EPPK1: variants seen among roughly 807,000 people sequenced by gnomAD.
EPPK1 encodes epiplakin.
For synonymous variants in EPPK1, 1,862 were observed against 1,721.2 expected (o/e 1.08, Z -2.03); for missense variants, 3,823 against 3,673.3 (o/e 1.04, Z -1.05).
chr8:143,873,496 G>A (rs1213916295), intron 1 of EPPK1, among the ~76,000 whole-genome samples, 198 bp from the exon 2 acceptor site: 2 of 152,068 alleles, frequency 1.3e-5, no homozygotes. Flanking sequence ...AGCTCAGAGG[G>A]ACCATGTGGG....
At position 143,867,530 on chromosome 8, in the gene EPPK1, C is replaced by T; in HGVS notation, c.5724G>A (p.Arg1908=). ...TGGCCTCATGGAGGCTCATGACCTC[C>T]CTGGTGGAGGGCACCGTGACCCCCG... is the stretch of plus-strand genomic sequence containing the variant. The part of the protein sequence containing the change: ...CIAGVTVPST[R]EVMSLHEASR... Residue 1908 remains arginine (R), a synonymous_variant, in exon 2 of 2, where the codon AGG becomes AGA. Coordinates refer to ENST00000615648, the MANE Select transcript of EPPK1 (RefSeq NM_031308.4). The T allele has an allele frequency of 6.2e-7, 1 of 1,612,660 alleles. No individual in the cohort carries two copies. The highest frequency in any genetic ancestry group is 8.5e-7 in the Non-Finnish European group (1 of 1,179,814).
At position 143,867,001 on chromosome 8, in the gene EPPK1, C is replaced by G; in HGVS notation, c.6253G>C (p.Val2085Leu). 6.2e-7 allele frequency: 1 copy of G among 1,612,846 alleles called. No homozygotes were observed. The highest frequency in any genetic ancestry group is 1.1e-5 in the South Asian group (1 of 91,078). ...TCGGAGTCCCGTGCAGCCTTGTTCA[C>G]TGGGAACAGCAGCCAGCCCGTGTCC... ...QEDTGWLLFPVNKAARDSEHI... is the reference protein window; with the variant it reads ...QEDTGWLLFPLNKAARDSEHI... The change falls in exon 2 of 2, where the codon GTG (valine) becomes CTG (leucine). Residue 2085 changes from valine (V) to leucine (L), a missense_variant. Physicochemically the swap from Val to Leu is conservative, Grantham distance 32 (BLOSUM62 1). Transcript: ENST00000615648.
Position 143,870,980 on chromosome 8 carries a change from C to T in EPPK1, c.2274G>A (p.Leu758=). Residue 758 remains leucine (L), a synonymous_variant, in exon 2 of 2, where the codon TTG becomes TTA. Transcript: ENST00000615648. The surrounding 1 kb of genome is among the most constrained non-coding windows in gnomAD (Gnocchi z 5.2). ...AGCCCTTGGTGTCGTCAGAAGGGTC[C>T]AACAGGATCAAGTTCAGCATCTGAT... ...YFDQMLNLIL[L]DPSDDTKGFF... 2.5e-6 allele frequency: 4 copies of T among 1,613,436 alleles called. No individual in the cohort carries two copies. Among genetic ancestry groups the T allele is most frequent in the Non-Finnish European group, 3.4e-6 (4 of 1,180,010 alleles).
Position 143,870,105 on chromosome 8 carries a change from A to G in EPPK1, c.3149T>C (p.Ile1050Thr), listed in dbSNP as rs782363947. 28 of 1,610,682 alleles carry G rather than the reference A, an allele frequency of 1.7e-5. No individual in the cohort carries two copies. Among genetic ancestry groups the G allele is most frequent in the Admixed American group, 1.0e-4 (6 of 59,712 alleles). ...LEAQVATGGI[I>T]DPTSHHHLPM... ...GAGGTGGTGGTGGCTGGTGGGGTCAATGATCCCTCCTGTGGCCACTTGAGC... is the reference window on the plus strand; with the variant it reads ...GAGGTGGTGGTGGCTGGTGGGGTCAGTGATCCCTCCTGTGGCCACTTGAGC... Residue 1050 changes from isoleucine (I) to threonine (T), a missense_variant, in exon 2 of 2, where the codon ATT becomes ACT. Transcript: ENST00000615648. This position sits in a 1 kb window ranked among gnomAD's most constrained non-coding sequence, Gnocchi z 5.2.
chr8:143,877,143 C>A, intron 1 of EPPK1, among the ~76,000 whole-genome samples: 1 of 152,352 alleles, frequency 6.6e-6, no homozygotes, highest in East Asian at 1.9e-4. Flanking sequence ...GCGTGAGATG[C>A]GGCCTGTGGC....
In EPPK1 at chr8:143,868,945, C is replaced by G. The variant is rs1178575753; in HGVS notation, c.4309G>C (p.Asp1437His). 6.2e-7 allele frequency: 1 copy of G among 1,610,866 alleles called. No individual in the cohort carries two copies. Among genetic ancestry groups the G allele is most frequent in the African/African-American group, 1.3e-5 (1 of 74,932 alleles). ...TGGTCGTCCACCTCAAGCACTGTGT[C>G]TGAGGGCAGTGGCAACAGCAACAAT... Reference protein sequence around the residue: ...TGLLLLPLPSDTVLEVDDHTA... With the variant: ...TGLLLLPLPSHTVLEVDDHTA... Residue 1437 changes from aspartate (D) to histidine (H), a missense_variant, in exon 2 of 2, where the codon GAC (aspartate) becomes CAC (histidine). Asp to His is a moderately conservative substitution (Grantham distance 81). Transcript: ENST00000615648.
rs370414140 is a variant in EPPK1, at chr8:143,868,655, C to G, written c.4599G>C (p.Leu1533=). The change falls in exon 2 of 2, where the codon CTG becomes CTC. Residue 1533 remains leucine (L), a synonymous_variant. Transcript: ENST00000615648. ...TCCTGCTGATCAGCTGCGCCCTGAA[C>G]AGGTCCCTGGCTGACACCTGCTTCC... ...GLRKQVSARD[L]FRAQLISRKT... is the part of the protein sequence containing the mutation. The G allele has an allele frequency of 1.2e-4, 189 of 1,587,680 alleles. No homozygotes were observed. The highest frequency in any genetic ancestry group is 4.4e-4 in the Admixed American group (25 of 56,200).
chr8:143,873,289 C>T lies in EPPK1; in HGVS notation c.-36G>A. 2.7e-6 allele frequency: 4 copies of T among 1,489,416 alleles called. No individual in the cohort carries two copies. Among genetic ancestry groups the T allele is most frequent in the Non-Finnish European group, 3.6e-6 (4 of 1,126,308 alleles). 92.3% of individuals were successfully genotyped at this position (1,489,416 alleles called of 1,614,324 possible). On this transcript the variant is annotated 5_prime_UTR_variant, in exon 2 of 2. Transcript: ENST00000615648. ...TGGTTATGCAGAGCCTGCTGAGGTCCACCTCTGTCCTGCAGGGGACAGAAA... is the reference window on the plus strand; with the variant it reads ...TGGTTATGCAGAGCCTGCTGAGGTCTACCTCTGTCCTGCAGGGGACAGAAA...
Position 143,868,304 on chromosome 8 carries a change from G to C in EPPK1, c.4950C>G (p.Thr1650=), listed in dbSNP as rs550287920. Residue 1650 remains threonine, a synonymous_variant, in exon 2 of 2, where the codon ACC becomes ACG. Coordinates refer to ENST00000615648, the MANE Select transcript of EPPK1 (RefSeq NM_031308.4). The stretch of plus-strand genomic sequence containing the variant: ...GCCCGGTATAGGGGTCGGTGTAGCC[G>C]GTGACGGCGCGCTCGGCCGACAGCA... ...VKLLSAERAV[T]GYTDPYTGQQ... 1 of 1,613,176 alleles carries C rather than the reference G, an allele frequency of 6.2e-7. No homozygotes were observed. Among genetic ancestry groups the C allele is most frequent in the Admixed American group, 1.7e-5 (1 of 60,030 alleles).
chr8:143,868,823 G>A lies in EPPK1; in HGVS notation c.4431C>T (p.Tyr1477=), dbSNP rs781958862. The change falls in exon 2 of 2, where the codon TAC becomes TAT. Residue 1477 remains tyrosine, a synonymous_variant. Coordinates refer to ENST00000615648, the MANE Select transcript of EPPK1 (RefSeq NM_031308.4). The stretch of plus-strand genomic sequence containing the variant: ...GCTCCCGCCGCTTGTCAGCGCCAAC[G>A]TATTCGGAGAGCAGCAGGTCCCAGA... ...VSLWDLLLSE[Y]VGADKRRELV... is the part of the protein sequence containing the mutation. 22 of 1,605,866 alleles carry A rather than the reference G, an allele frequency of 1.4e-5. No homozygotes were observed. Among genetic ancestry groups the A allele is most frequent in the Non-Finnish European group, 1.6e-5 (19 of 1,179,524 alleles).
chr8:143,871,189 T>C lies in EPPK1; in HGVS notation c.2065A>G (p.Thr689Ala). 6.2e-7 allele frequency: 1 copy of C among 1,613,218 alleles called. No homozygotes were observed. The highest frequency in any genetic ancestry group is 1.3e-5 in the African/African-American group (1 of 75,042). ...CCGGTGTAGGGGTCAGTGTAGCCAGTGACAGCGCGCTCAGCCGACAGCAGC... is the reference window on the plus strand; with the variant it reads ...CCGGTGTAGGGGTCAGTGTAGCCAGCGACAGCGCGCTCAGCCGACAGCAGC... ...AKLLSAERAV[T>A]GYTDPYTGQQ... Residue 689 changes from threonine to alanine, a missense_variant, in exon 2 of 2, where the codon ACT becomes GCT. Transcript: ENST00000615648.
In EPPK1 at chr8:143,870,750, T is replaced by A. The variant is rs1283469582; in HGVS notation, c.2504A>T (p.Glu835Val). The A allele has an allele frequency of 1.2e-6, 2 of 1,612,336 alleles. No individual in the cohort carries two copies. The highest frequency in any genetic ancestry group is 1.7e-6 in the Non-Finnish European group (2 of 1,179,790). ...RFQGQRVSAWELINSEYFSEG... is the reference protein window; with the variant it reads ...RFQGQRVSAWVLINSEYFSEG... The stretch of plus-strand genomic sequence containing the variant: ...GCTGAAGTACTCAGAGTTGATCAGC[T>A]CCCACGCGGAGACCCTCTGCCCCTG... Residue 835 changes from glutamate to valine, a missense_variant, in exon 2 of 2, where the codon GAG (glutamate) becomes GTG (valine). Coordinates refer to ENST00000615648, the MANE Select transcript of EPPK1 (RefSeq NM_031308.4). The surrounding 1 kb of genome is among the most constrained non-coding windows in gnomAD (Gnocchi z 5.2).
rs1818924581 is a variant in EPPK1 at position 143,857,884 on chromosome 8, A to G, written c.*103T>C. On this transcript the variant is annotated 3_prime_UTR_variant, in exon 2 of 2. Transcript: ENST00000615648. ...GATAACGAATGGGTAAAACAACAAA[A>G]TTAAAGAATGACAAAAAAAAAAAAA... is the stretch of plus-strand genomic sequence containing the variant. 1 of 879,800 alleles carries G rather than the reference A, an allele frequency of 1.1e-6. No homozygotes were observed. Among genetic ancestry groups the G allele is most frequent in the East Asian group, 2.8e-5 (1 of 35,678 alleles). The allele number at this position is 879,800 out of a possible 1,614,324, so 54.5% of individuals were successfully genotyped here.
At chr8:143,873,465 G>A (rs1028963408) in intron 1 of EPPK1, among the ~76,000 whole-genome samples, 167 bp from the exon 2 acceptor site, 2 of 152,024 alleles carry the variant, frequency 1.3e-5, no homozygotes, top group African/African-American at 2.4e-5. Flanking sequence ...ACTCTGCCGC[G>A]GGGGTGCCAA....
Position 143,868,174 on chromosome 8 carries a change from C to G in EPPK1, c.5080G>C (p.Val1694Leu). Reference protein sequence around the residue: ...QIATGGIIDPVHSHRVPVDVA... With the variant: ...QIATGGIIDPLHSHRVPVDVA... ...TCCACGGGCACGCGGTGGCTGTGCA[C>G]GGGGTCGATGATGCCGCCCGTGGCG... The change falls in exon 2 of 2, where the codon GTG (valine) becomes CTG (leucine). Residue 1694 changes from valine to leucine, a missense_variant. Coordinates refer to ENST00000615648, the MANE Select transcript of EPPK1 (RefSeq NM_031308.4). The G allele has an allele frequency of 6.2e-7, 1 of 1,613,050 alleles. No individual in the cohort carries two copies. Among genetic ancestry groups the G allele is most frequent in the Non-Finnish European group, 8.5e-7 (1 of 1,180,006 alleles).
In EPPK1 at chr8:143,871,799, G is replaced by A. The variant is rs781916809; in HGVS notation, c.1455C>T (p.Tyr485=). Residue 485 remains tyrosine (Y), a synonymous_variant, in exon 2 of 2, where the codon TAC becomes TAT. Coordinates refer to ENST00000615648, the MANE Select transcript of EPPK1 (RefSeq NM_031308.4). ...CCGTGCTCAGGGCCTGCCGAGTGCT[G>A]TACTTGATGAATGGGGGTCCCTGGG... The part of the protein sequence containing the change: ...GEPQGPPFIK[Y]STRQALSTAT... 5 of 1,612,188 alleles carry A rather than the reference G, an allele frequency of 3.1e-6. No individual in the cohort carries two copies. The Admixed American group carries it at 5.0e-5, about 16-fold the overall frequency.
rs781957116 is a variant in EPPK1 at position 143,872,911 on chromosome 8, C to T, written c.343G>A (p.Ala115Thr). Residue 115 changes from alanine to threonine, a missense_variant, in exon 2 of 2, where the codon GCT (alanine) becomes ACT (threonine). By Grantham distance (58) the Ala-to-Thr change is moderately conservative. Transcript: ENST00000615648. ...GLELKEKLLA[A>T]ERATTGYPDP... ...GGATAGCCCGTAGTGGCACGCTCAG[C>T]GGCCAGCAGCTTCTCCTTCAGCTCC... The T allele has an allele frequency of 8.1e-6, 13 of 1,606,906 alleles. No homozygotes were observed. In the East Asian group the frequency reaches 1.6e-4, roughly 19 times the overall value.
intron 1 of EPPK1, among the ~76,000 whole-genome samples, chr8:143,874,808 G>A (rs1403068332): frequency 6.6e-6 from 1 of 151,936 alleles, no homozygotes; most frequent in Non-Finnish European, 1.5e-5. Flanking sequence ...TCAGCAGCCT[G>A]TCCATGACAA....
At position 143,869,874 on chromosome 8, in the gene EPPK1, T is replaced by C. The variant is rs1819279951; in HGVS notation, c.3380A>G (p.Gln1127Arg). ...CACGGCCTGCAGGCTCCTCTGGACC[T>C]GCTCCTCGGTGGGGAGGGCAGGAGC... ...ESAPALPTEE[Q>R]VQRSLQAVPG... is the part of the protein sequence containing the mutation. The change falls in exon 2 of 2, where the codon CAG becomes CGG. Residue 1127 changes from glutamine to arginine, a missense_variant. Physicochemically the swap from Gln to Arg is conservative, Grantham distance 43. Coordinates refer to ENST00000615648, the MANE Select transcript of EPPK1 (RefSeq NM_031308.4). 1 of 1,605,324 alleles carries C rather than the reference T, an allele frequency of 6.2e-7. No individual in the cohort carries two copies. The highest frequency in any genetic ancestry group is 8.5e-7 in the Non-Finnish European group (1 of 1,176,602).
Sources: allele counts gnomAD v4.1 joint callset (sites outside exome capture counted in the v4.1 genomes callset), GRCh38; gene constraint gnomAD v4.1.1; non-coding constraint Gnocchi (gnomAD v3.1); transcripts MANE v1.5; gene names NCBI Gene and HGNC (gene_info 2026-07-23, HGNC 2026-07-21).